Variants in SLC1A2 observed in about 807,000 individuals in gnomAD.
SLC1A2 encodes excitatory amino acid transporter 2.
A neutral mutation model predicts 48.8 loss-of-function variants in SLC1A2; 15 were observed. That is an observed-to-expected ratio of 0.31 (90% CI 0.21 to 0.47). The LOEUF is 0.47. Ranked by LOEUF, SLC1A2 falls within the 20% of genes least tolerant of loss-of-function variation. The pLI is 0.99. For missense variants in SLC1A2, 502 were observed against 730.5 expected (o/e 0.69, Z 3.61); for synonymous variants, 279 against 272.6 (o/e 1.02, Z -0.23).
chr11:35,395,530 C>A (rs1854924092), intron 1 of SLC1A2, among the ~76,000 whole-genome samples: 1 of 152,018 alleles, frequency 6.6e-6, no homozygotes. Context: ...AGGTGACAAA[C>A]ACAGGTAAAG....
At chr11:35,269,481 A>T (rs139638615) in intron 9 of SLC1A2, among the ~76,000 whole-genome samples, 3 of 152,256 alleles carry the variant, frequency 2.0e-5, no homozygotes, top group African/African-American at 7.2e-5. Flanking sequence ...GGATAACTCC[A>T]CTCACACACC....
intron 1 of SLC1A2, among the ~76,000 whole-genome samples, chr11:35,346,047 A>T (rs2135057624): frequency 6.6e-6 from 1 of 152,174 alleles, no homozygotes; most frequent in African/African-American, 2.4e-5. Flanking sequence ...ATTAAAACGC[A>T]GACCCATGTT....
At chr11:35,356,316 T>C (rs1481587725) in intron 1 of SLC1A2, among the ~76,000 whole-genome samples, 1 of 152,174 alleles carries the variant, frequency 6.6e-6, no homozygotes, top group Non-Finnish European at 1.5e-5. Flanking sequence ...AGGTGTGTGT[T>C]TGTTCTATAA....
At chr11:35,406,647 A>AT (rs954601087) in intron 1 of SLC1A2, among the ~76,000 whole-genome samples, 17 of 152,216 alleles carry the variant, frequency 1.1e-4, no homozygotes, top group African/African-American at 4.1e-4. Context: ...AAGAAAAAAA[A>AT]GGCAGGGTTA....
At chr11:35,353,678 G>A (rs1196038135) in intron 1 of SLC1A2, among the ~76,000 whole-genome samples, 5 of 152,186 alleles carry the variant, frequency 3.3e-5, no homozygotes, top group Admixed American at 3.3e-4. Context: ...CTAATAGCAA[G>A]GGTGGACATG....
intron 1 of SLC1A2, among the ~76,000 whole-genome samples, chr11:35,407,285 G>A (rs10836394): frequency 0.58 from 87,632 of 151,858 alleles, 25,644 homozygotes; most frequent in Middle Eastern, 0.69. Flanking sequence ...CCTATACTGT[G>A]GGATCAGTCT....
At chr11:35,410,190 T>G (rs1855418130) in intron 1 of SLC1A2, among the ~76,000 whole-genome samples, 3 of 152,204 alleles carry the variant, frequency 2.0e-5, no homozygotes, top group African/African-American at 7.2e-5. Flanking sequence ...GTATACAACA[T>G]GATGCTTTGA....
chr11:35,252,723 T>G lies in SLC1A2; in HGVS notation c.*8171A>C, dbSNP rs933616595. On this transcript the variant is annotated 3_prime_UTR_variant, in exon 11 of 11. Transcript: ENST00000278379. ...TTTGCAAAACACCGATCAACATGTC[T>G]ACTGCATTTAGATGAATAGCCAAAA... 2.0e-5 allele frequency: 3 copies of G among 152,640 alleles called. No individual in the cohort carries two copies. Among genetic ancestry groups the G allele is most frequent in the Non-Finnish European group, 2.9e-5 (2 of 68,038 alleles). The allele number at this position is 152,640 out of a possible 1,614,324, so 9.5% of individuals were successfully genotyped here. A position where few individuals can be genotyped will look rare whatever the true frequency, so the allele number is the denominator to read the frequency against.
At chr11:35,301,786 A>T in intron 5 of SLC1A2, 141 bp from the exon 6 acceptor site, 1 of 747,650 alleles carries the variant, frequency 1.3e-6, no homozygotes, top group Non-Finnish European at 2.1e-6. Context: ...AGAACAAAGC[A>T]TTATATTTGA....
At chr11:35,326,888 C>T (rs1486005023) in intron 1 of SLC1A2, among the ~76,000 whole-genome samples, 1 of 152,170 alleles carries the variant, frequency 6.6e-6, no homozygotes, top group Middle Eastern at 3.2e-3. Context: ...AAAAAGCAAC[C>T]CATTCACTGA....
At chr11:35,270,792 T>G (rs1443813947) in intron 9 of SLC1A2, among the ~76,000 whole-genome samples, 1 of 152,224 alleles carries the variant, frequency 6.6e-6, no homozygotes, top group Non-Finnish European at 1.5e-5. Flanking sequence ...GCATGAAATC[T>G]AAGAGGTAGG....
chr11:35,335,273 A>G lies in SLC1A2; in HGVS notation c.18-17757T>C, dbSNP rs139515832. On this transcript the variant is annotated intron_variant, in intron 1 of 10. Coordinates refer to ENST00000278379, the MANE Select transcript of SLC1A2 (RefSeq NM_004171.4). ...ACCCAACCTCAACCTCATAGCTGCTAATTCTTCACAAATACCCATAAAACC... is the reference window on the plus strand; with the variant it reads ...ACCCAACCTCAACCTCATAGCTGCTGATTCTTCACAAATACCCATAAAACC... Among the ~76,000 whole-genome samples, 316 of 152,272 alleles carry G rather than the reference A, an allele frequency of 2.1e-3. 1 individual carries two copies. Among genetic ancestry groups the G allele is most frequent in the African/African-American group, 6.8e-3 (282 of 41,566 alleles).
At chr11:35,363,547 G>A (rs968678268) in intron 1 of SLC1A2, among the ~76,000 whole-genome samples, 7 of 152,134 alleles carry the variant, frequency 4.6e-5, no homozygotes, top group Admixed American at 1.3e-4. Context: ...TTCCCCCAGG[G>A]ACATCTCTAA....
chr11:35,382,660 G>A (rs1854466421), intron 1 of SLC1A2, among the ~76,000 whole-genome samples: 3 of 152,202 alleles, frequency 2.0e-5, no homozygotes, highest in Admixed American at 2.0e-4. Flanking sequence ...GCTGGGCGTG[G>A]TGGCAGGTGC....
At chr11:35,342,550 G>GTT (rs11428049) in intron 1 of SLC1A2, among the ~76,000 whole-genome samples, 130 of 151,388 alleles carry the variant, frequency 8.6e-4, no homozygotes, top group South Asian at 2.9e-3. Flanking sequence ...TTTGTTGTTT[G>GTT]TTTTTTTTGC....
intron 7 of SLC1A2, among the ~76,000 whole-genome samples, chr11:35,290,179 G>A (rs117472488): frequency 0.025 from 3,871 of 152,258 alleles, 75 homozygotes; most frequent in Non-Finnish European, 0.04. Flanking sequence ...CTTCAAAACT[G>A]TCAATGTGCA....
At chr11:35,411,578 C>T (rs577489532) in intron 1 of SLC1A2, among the ~76,000 whole-genome samples, 1 of 152,334 alleles carries the variant, frequency 6.6e-6, no homozygotes, top group South Asian at 2.1e-4. Flanking sequence ...GCCTCAGCCT[C>T]CCGAATAGCT....
Position 35,254,308 on chromosome 11 carries a change from A to T in SLC1A2, c.*6586T>A, listed in dbSNP as rs1950283899. On this transcript the variant is annotated 3_prime_UTR_variant, in exon 11 of 11. Transcript: ENST00000278379. ...TGGAGATGCAATGCTGAGGTTTTCC[A>T]GGAGAAAGAGAAAGGGAGGGAGTTA... is the stretch of plus-strand genomic sequence containing the variant. 1 of 155,890 alleles carries T rather than the reference A, an allele frequency of 6.4e-6. No individual in the cohort carries two copies. Among genetic ancestry groups the T allele is most frequent in the Non-Finnish European group, 1.4e-5 (1 of 69,998 alleles). 9.7% of individuals were successfully genotyped at this position (155,890 alleles called of 1,614,324 possible).
intron 1 of SLC1A2, among the ~76,000 whole-genome samples, chr11:35,339,902 C>T (rs946662685): frequency 1.4e-4 from 21 of 152,208 alleles, no homozygotes; most frequent in Middle Eastern, 6.8e-3. Flanking sequence ...AAATGTTTTC[C>T]TATGTGCATT....
Sources: allele counts gnomAD v4.1 joint callset (sites outside exome capture counted in the v4.1 genomes callset), GRCh38; gene constraint gnomAD v4.1.1; transcripts MANE v1.5; gene names NCBI Gene and HGNC (gene_info 2026-07-23, HGNC 2026-07-21).